Variants in PPP1R36 observed in about 807,000 individuals in gnomAD.
PPP1R36 encodes protein phosphatase 1 regulatory subunit 36, also known as chromosome 14 open reading frame 50.
A neutral mutation model predicts 53.4 loss-of-function variants in PPP1R36; 47 were observed. The observed-to-expected ratio is 0.88, with a 90% CI of 0.70 to 1.12. PPP1R36 has a LOEUF of 1.12. PPP1R36 is among the 50% of genes most tolerant of loss of function. PPP1R36 has a pLI of 0.00. For synonymous variants in PPP1R36, 153 were observed against 170.5 expected (o/e 0.90, Z 0.80); for missense variants, 456 against 513.9 (o/e 0.89, Z 1.09).
Position 64,552,870 on chromosome 14 carries a change from G to C in PPP1R36, c.182+9G>C. The C allele has an allele frequency of 6.2e-7, 1 of 1,610,382 alleles. No homozygotes were observed. Among genetic ancestry groups the C allele is most frequent in the East Asian group, 2.2e-5 (1 of 44,844 alleles). ...CTGAAACATCACCCTCAGTGAGTGTGAGACAGACAGTGAGATAGCTTTGGG... is the reference window on the plus strand; with the variant it reads ...CTGAAACATCACCCTCAGTGAGTGTCAGACAGACAGTGAGATAGCTTTGGG... On this transcript the variant is annotated intron_variant, in intron 3 of 11. Coordinates refer to ENST00000298705, the MANE Select transcript of PPP1R36 (RefSeq NM_172365.3).
In PPP1R36 at chr14:64,588,160, T is replaced by G; in HGVS notation, c.947T>G (p.Val316Gly). 6.2e-7 allele frequency: 1 copy of G among 1,613,430 alleles called. No homozygotes were observed. Among genetic ancestry groups the G allele is most frequent in the Non-Finnish European group, 8.5e-7 (1 of 1,179,610 alleles). ...IKKAINMRSP[V>G]MSTLLPSLRE... Reference sequence around the variant, plus strand: ...AAAGCTATCAACATGCGTTCTCCAGTCATGTCTACTCTGCTGCCATCTCTC... The same window carrying G: ...AAAGCTATCAACATGCGTTCTCCAGGCATGTCTACTCTGCTGCCATCTCTC... Residue 316 changes from valine to glycine, a missense_variant, in exon 11 of 12, where the codon GTC (valine) becomes GGC (glycine). Physicochemically the swap from Val to Gly is moderately radical, Grantham distance 109. Coordinates refer to ENST00000298705, the MANE Select transcript of PPP1R36 (RefSeq NM_172365.3).
intron 7 of PPP1R36, 86 bp from the exon 8 acceptor site, chr14:64,574,369 A>G: frequency 7.4e-7 from 1 of 1,357,682 alleles, no homozygotes; most frequent in Non-Finnish European, 1.0e-6. Context: ...AAAAGAAGAA[A>G]AGTTTATAAT....
rs60458560 is a variant in PPP1R36 at position 64,579,269 on chromosome 14, A to C, written c.668+4680A>C. Reference sequence around the variant, plus strand: ...CATGTACCCCCAAACCTAAAATAAAAATTAAAAGAAAAAAGAAACCCAAAA... The same window carrying C: ...CATGTACCCCCAAACCTAAAATAAACATTAAAAGAAAAAAGAAACCCAAAA... On this transcript the variant is annotated intron_variant, in intron 8 of 11. Transcript: ENST00000298705. Among the ~76,000 whole-genome samples, 1,406 of 151,970 alleles carry C rather than the reference A, an allele frequency of 9.3e-3. 24 individuals carry two copies. Among genetic ancestry groups the C allele is most frequent in the African/African-American group, 0.031 (1,298 of 41,476 alleles).
intron 8 of PPP1R36, among the ~76,000 whole-genome samples, chr14:64,577,424 G>A (rs368020951): frequency 1.7e-4 from 26 of 152,236 alleles, no homozygotes; most frequent in South Asian, 6.2e-4. Context: ...GACTGACAGC[G>A]TCAGCTTGAG....
rs960887208 is a variant in PPP1R36 at position 64,550,021 on chromosome 14, T to C, written c.24T>C (p.Tyr8=). Residue 8 remains tyrosine, a synonymous_variant, in exon 1 of 12, where the codon TAT becomes TAC. Transcript: ENST00000298705. MYRVPEF[Y]ARRKRLGGQT... ...CCATGTACCGGGTGCCCGAGTTTTA[T>C]GCGAGGAGGAAGCGGTTAGGTGGGC... 8 of 1,574,586 alleles carry C rather than the reference T, an allele frequency of 5.1e-6. No homozygotes were observed. The Admixed American group carries it at 1.1e-4, about 22-fold the overall frequency.
intron 1 of PPP1R36, 83 bp downstream of exon 1, chr14:64,550,149 CCCT>C: frequency 6.7e-7 from 1 of 1,502,594 alleles, no homozygotes. Flanking sequence ...GCGCCCCTCG[CCCT>C]CCTCCAGAGG....
chr14:64,560,432 C>A, intron 3 of PPP1R36, among the ~76,000 whole-genome samples: 1 of 132,484 alleles, frequency 7.5e-6, no homozygotes, highest in African/African-American at 2.7e-5. Context: ...CAGTGAGACC[C>A]TATCTCAAGA....
At chr14:64,581,337 C>A (rs867145624) in intron 8 of PPP1R36, among the ~76,000 whole-genome samples, 2 of 152,150 alleles carry the variant, frequency 1.3e-5, no homozygotes, top group South Asian at 2.1e-4. Flanking sequence ...AACTTTAGAA[C>A]AATGAATGCA....
chr14:64,551,572 G>A, intron 2 of PPP1R36: 1 of 456,142 alleles, frequency 2.2e-6, no homozygotes, highest in South Asian at 1.5e-5. Flanking sequence ...CCAGATATTT[G>A]CATATTTTTC....
intron 8 of PPP1R36, among the ~76,000 whole-genome samples, chr14:64,585,826 A>C (rs2080428638): frequency 6.6e-6 from 1 of 152,214 alleles, no homozygotes; most frequent in Admixed American, 6.5e-5. Context: ...TAACCCCCTC[A>C]GTCAACTCTC....
At chr14:64,559,889 G>A (rs940598076) in intron 3 of PPP1R36, among the ~76,000 whole-genome samples, 2 of 151,742 alleles carry the variant, frequency 1.3e-5, no homozygotes, top group African/African-American at 4.8e-5. Context: ...AAATACCTGA[G>A]GTCAGGAGTT....
intron 11 of PPP1R36, 81 bp from the exon 12 acceptor site, chr14:64,589,071 C>T: frequency 9.6e-7 from 1 of 1,046,264 alleles, no homozygotes; most frequent in Non-Finnish European, 1.4e-6. Flanking sequence ...CATACATACA[C>T]ACAACCACAA....
At chr14:64,561,737 G>A (rs948849887) in intron 3 of PPP1R36, 1 of 455,626 alleles carries the variant, frequency 2.2e-6, no homozygotes, top group East Asian at 6.9e-5. Flanking sequence ...CCATGAGGCA[G>A]ACTTTTCTCT....
chr14:64,587,272 G>C lies in PPP1R36; in HGVS notation c.790G>C (p.Gly264Arg), dbSNP rs768722132. ...CTTGACAGAGATTGAAGAAGAAGTA[G>C]GGAGACTCTTTCGTACCAATATGTT... ...QHLTEIEEEV[G>R]RLFRTNMFNI... The change falls in exon 10 of 12, where the codon GGG becomes CGG. Residue 264 changes from glycine (G) to arginine (R), a missense_variant. Physicochemically the swap from Gly to Arg is moderately radical, Grantham distance 125. Coordinates refer to ENST00000298705, the MANE Select transcript of PPP1R36 (RefSeq NM_172365.3). 6.2e-7 allele frequency: 1 copy of C among 1,613,356 alleles called. No homozygotes were observed. Among genetic ancestry groups the C allele is most frequent in the Admixed American group, 1.7e-5 (1 of 60,010 alleles).
intron 1 of PPP1R36, chr14:64,550,310 C>T: frequency 1.5e-6 from 2 of 1,319,402 alleles, no homozygotes; most frequent in Non-Finnish European, 1.9e-6. Flanking sequence ...TACGAAATCC[C>T]ACCTCACCAC....
At position 64,586,874 on chromosome 14, in the gene PPP1R36, T is replaced by TTTGAGGTGAGTCACTTATG. The variant is rs778884862; in HGVS notation, c.709_711+16dup. The TTTGAGGTGAGTCACTTATG allele has an allele frequency of 5.0e-6, 8 of 1,611,930 alleles. No individual in the cohort carries two copies. The highest frequency in any genetic ancestry group is 5.1e-6 in the Non-Finnish European group (6 of 1,178,208). On this transcript the variant is annotated frameshift_variant, in exon 9 of 12. Transcript: ENST00000298705. LOFTEE classifies it high-confidence loss of function. ...AGATACACAGAAAGACTGGAAGTTC[T>TTTGAGGTGAGTCACTTATG]TTGAGGTGAGTCACTTATGTTTTGG... is the stretch of plus-strand genomic sequence containing the variant.
At chr14:64,581,123 A>T (rs74673631) in intron 8 of PPP1R36, among the ~76,000 whole-genome samples, 6,769 of 152,348 alleles carry the variant, frequency 0.044, 203 homozygotes, top group African/African-American at 0.069. Flanking sequence ...TTACAGGCAA[A>T]GTTGTAAATC....
rs1420371648 is a variant in PPP1R36, at chr14:64,574,508, C to T, written c.587C>T (p.Ala196Val). ...TTGGTTTTAAGTGAATTAGAAGCAG[C>T]ACAGAGGTACTTGGCGCAGAAGTAC... ...MELVLSELEAAQRYLAQKYCI... is the reference protein window; with the variant it reads ...MELVLSELEAVQRYLAQKYCI... The change falls in exon 8 of 12, where the codon GCA (alanine) becomes GTA (valine). Residue 196 changes from alanine to valine, a missense_variant. Coordinates refer to ENST00000298705, the MANE Select transcript of PPP1R36 (RefSeq NM_172365.3). The T allele has an allele frequency of 6.2e-7, 1 of 1,614,002 alleles. No individual in the cohort carries two copies. Among genetic ancestry groups the T allele is most frequent in the East Asian group, 2.2e-5 (1 of 44,890 alleles).
At chr14:64,552,943 C>A in intron 3 of PPP1R36, 82 bp downstream of exon 3, 9 of 1,253,510 alleles carry the variant, frequency 7.2e-6, no homozygotes, top group East Asian at 2.4e-5. Context: ...TGTTAAAGCA[C>A]AAGAGAATGT....
Sources: gnomAD v4.1 joint callset for allele counts (sites outside exome capture counted in the v4.1 genomes callset) on GRCh38, gnomAD v4.1.1 for gene constraint, MANE v1.5 for transcripts, NCBI Gene and HGNC (gene_info 2026-07-23, HGNC 2026-07-21) for gene names.